The following HECW2 variants were observed in gnomAD, a reference collection of about 807,000 sequenced individuals.
The protein encoded by HECW2 is HECT, C2 and WW domain containing E3 ubiquitin protein ligase 2.
In HECW2, 61 loss-of-function variants were observed where a neutral mutation model predicts 175.2. That is an observed-to-expected ratio of 0.35 (90% CI 0.28 to 0.43). The LOEUF (loss-of-function observed/expected upper bound fraction) is 0.43, where lower values mean the gene tolerates loss of function less well. Ranked by LOEUF, HECW2 falls within the 20% of genes least tolerant of loss-of-function variation. HECW2 has a pLI of 1.00. For synonymous variants in HECW2, 671 were observed against 731.0 expected, an observed-to-expected ratio of 0.92 and a Z score of 1.32; for missense variants, 1,524 against 2,000.5, an observed-to-expected ratio of 0.76 and a Z score of 4.54.
intron 2 of HECW2, among the ~76,000 whole-genome samples, chr2:196,403,242 A>T (rs1694870950): frequency 1.4e-5 from 2 of 138,232 alleles, no homozygotes. Context: ...TCACTCAACT[A>T]AATGCTGTAT....
intron 5 of HECW2, among the ~76,000 whole-genome samples, chr2:196,325,840 T>C (rs755113619): frequency 1.1e-4 from 16 of 152,210 alleles, no homozygotes; most frequent in Non-Finnish European, 2.1e-4. Flanking sequence ...ATAACTCACC[T>C]TAGATTCACA....
chr2:196,459,569 T>C (rs972384462), intron 1 of HECW2, among the ~76,000 whole-genome samples: 1 of 152,032 alleles, frequency 6.6e-6, no homozygotes, highest in South Asian at 2.1e-4. Context: ...TGCCTCATGA[T>C]GTCCCCTCCC....
At chr2:196,472,812 G>T (rs1697266158) in intron 1 of HECW2, among the ~76,000 whole-genome samples, 1 of 152,066 alleles carries the variant, frequency 6.6e-6, no homozygotes, top group African/African-American at 2.4e-5. Context: ...GTAGAGACGG[G>T]GTTTCGCCAT....
Position 196,318,955 on chromosome 2 carries a change from G to C in HECW2, c.1935C>G (p.Cys645Trp), listed in dbSNP as rs1691821448. The change falls in exon 9 of 29, where the codon TGC (cysteine) becomes TGG (tryptophan). Residue 645 changes from cysteine to tryptophan, a missense_variant. Physicochemically the swap from Cys to Trp is radical, Grantham distance 215. Around this residue, in one of 11 missense-constraint regions of HECW2, gnomAD observed 604 missense variants for 588.3 expected, o/e 1.03. Transcript: ENST00000644978. ...ACAGCTGCGTGGTCACACTCTCATT[G>C]CAGGAGCTGTCAGCGCATTCCAGGT... ...ESDLECADSS[C>W]NESVTTQLSS... 6.2e-7 allele frequency: 1 copy of C among 1,610,996 alleles called. No individual in the cohort carries two copies. The highest frequency in any genetic ancestry group is 1.3e-5 in the African/African-American group (1 of 74,910).
At position 196,318,819 on chromosome 2, in the gene HECW2, T is replaced by A; in HGVS notation, c.2071A>T (p.Ser691Cys). 1 of 1,535,082 alleles carries A rather than the reference T, an allele frequency of 6.5e-7. No individual in the cohort carries two copies. Among genetic ancestry groups the A allele is most frequent in the Non-Finnish European group, 8.8e-7 (1 of 1,140,122 alleles). ...TCCTGCGACCCTTCGGCAGGGCCAC[T>A]GCTGGTGGGCTCTGCTGCACAGGCT... is the stretch of plus-strand genomic sequence containing the variant. ...DGACAAEPTS[S>C]GPAEGSQESV... The change falls in exon 9 of 29, where the codon AGT becomes TGT. Residue 691 changes from serine (S) to cysteine (C), a missense_variant. Physicochemically the swap from Ser to Cys is moderately radical, Grantham distance 112. Coordinates refer to ENST00000644978, the MANE Select transcript of HECW2 (RefSeq NM_001348768.2).
chr2:196,303,717 G>T (rs1380659301), intron 13 of HECW2, among the ~76,000 whole-genome samples: 1 of 152,124 alleles, frequency 6.6e-6, no homozygotes, highest in Non-Finnish European at 1.5e-5. Context: ...AGTATTCTCT[G>T]ACACGGTTGT....
At chr2:196,471,016 A>T (rs1330928773) in intron 1 of HECW2, among the ~76,000 whole-genome samples, 2 of 151,978 alleles carry the variant, frequency 1.3e-5, no homozygotes, top group Non-Finnish European at 2.9e-5. Flanking sequence ...AATTGGCAAA[A>T]AAAAAAAAAA....
At chr2:196,395,703 G>GT (rs3082114) in intron 2 of HECW2, among the ~76,000 whole-genome samples, 26,029 of 138,516 alleles carry the variant, frequency 0.19, 2,948 homozygotes, top group African/African-American at 0.38. Flanking sequence ...GGATGACTAT[G>GT]TTTTTTTTTT....
intron 1 of HECW2, among the ~76,000 whole-genome samples, chr2:196,572,734 G>A (rs988946101): frequency 1.3e-5 from 2 of 152,100 alleles, no homozygotes; most frequent in East Asian, 1.9e-4. Context: ...TCATGACTGC[G>A]ATTAGTATCC....
chr2:196,577,869 A>C (rs1690616865), intron 1 of HECW2, among the ~76,000 whole-genome samples: 1 of 152,180 alleles, frequency 6.6e-6, no homozygotes, highest in African/African-American at 2.4e-5. Flanking sequence ...GTCAATAAAT[A>C]AACAACAACA....
chr2:196,240,330 T>C, intron 21 of HECW2, 119 bp downstream of exon 21: 1 of 633,068 alleles, frequency 1.6e-6, no homozygotes. Context: ...TTTAAGTGTA[T>C]GAGAACAGCA....
At chr2:196,496,757 A>G (rs79546559) in intron 1 of HECW2, among the ~76,000 whole-genome samples, 1,859 of 152,318 alleles carry the variant, frequency 0.012, 44 homozygotes, top group African/African-American at 0.043. Flanking sequence ...CCTGTAAAAG[A>G]GAAGTAAATA....
intron 2 of HECW2, among the ~76,000 whole-genome samples, chr2:196,362,498 C>G (rs1693624463): frequency 6.6e-6 from 1 of 152,220 alleles, no homozygotes; most frequent in Non-Finnish European, 1.5e-5. Flanking sequence ...TACCATAAAT[C>G]AGACATAGCA....
At chr2:196,581,107 T>C (rs1690763282) in intron 1 of HECW2, among the ~76,000 whole-genome samples, 1 of 152,148 alleles carries the variant, frequency 6.6e-6, no homozygotes, top group African/African-American at 2.4e-5. Context: ...TCTAGAGTAG[T>C]GGTTAATAAG....
chr2:196,292,534 G>T, intron 14 of HECW2, 31 bp downstream of exon 14: 2 of 1,584,436 alleles, frequency 1.3e-6, no homozygotes, highest in Middle Eastern at 2.2e-4. Context: ...ACAGGCATTT[G>T]GCACTCCCTG....
At chr2:196,317,648 G>T (rs980205050) in intron 9 of HECW2, among the ~76,000 whole-genome samples, 10 of 151,630 alleles carry the variant, frequency 6.6e-5, no homozygotes, top group Admixed American at 6.6e-4. Flanking sequence ...ATGCGCTAAT[G>T]CTTTAGGGTC....
intron 28 of HECW2, among the ~76,000 whole-genome samples, chr2:196,203,575 T>G (rs2105762194): frequency 6.6e-6 from 1 of 152,320 alleles, no homozygotes; most frequent in African/African-American, 2.4e-5. Flanking sequence ...TATTTTACAA[T>G]TTTCATTTCT....
At chr2:196,469,647 T>C (rs2125346538) in intron 1 of HECW2, among the ~76,000 whole-genome samples, 1 of 152,130 alleles carries the variant, frequency 6.6e-6, no homozygotes, top group Non-Finnish European at 1.5e-5. Context: ...ATAACAAAAA[T>C]TTTAAATGTA....
At chr2:196,520,513 G>A (rs943654659) in intron 1 of HECW2, among the ~76,000 whole-genome samples, 3 of 152,208 alleles carry the variant, frequency 2.0e-5, no homozygotes, top group African/African-American at 7.2e-5. Flanking sequence ...GGGCTTTTAA[G>A]ACAGGTTGCA....
Sources: gnomAD v4.1 joint callset for allele counts (sites outside exome capture counted in the v4.1 genomes callset) on GRCh38, gnomAD v4.1.1 for gene constraint, gnomAD v4.1.1 regional missense constraint, MANE v1.5 for transcripts, NCBI Gene and HGNC (gene_info 2026-07-23, HGNC 2026-07-21) for gene names.